The following RIN2 variants were observed in gnomAD, a reference collection of about 807,000 sequenced individuals.
RIN2 encodes the protein Ras and Rab interactor 2, also known as RAB5 interacting protein 2.
RIN2 carries 36 observed loss-of-function variants against 78.0 expected under a neutral mutation model. The observed-to-expected ratio is 0.46, with a 90% confidence interval of 0.35 to 0.61. The LOEUF is 0.61. RIN2 is among the 20% of genes least tolerant of loss of function. RIN2 has a pLI of 0.00. For missense variants in RIN2, 1,087 were observed against 1,159.7 expected, an observed-to-expected ratio of 0.94 and a Z score of 0.91; for synonymous variants, 466 against 466.8, an observed-to-expected ratio of 1.00 and a Z score of 0.02.
rs73904807 is a variant in RIN2 at position 19,815,602 on chromosome 20, T to C, written c.-37+15855T>C. Among the ~76,000 whole-genome samples the C allele has an allele frequency of 3.1e-3, 469 of 152,356 alleles. 1 individual carries two copies. The highest frequency in any genetic ancestry group is 0.011 in the African/African-American group (449 of 41,590). The stretch of plus-strand genomic sequence containing the variant: ...TTTCCCTGACATGCTCGGTGTGGTA[T>C]TTGCTGATGCGTGCATGTGTGTGGT... On this transcript the variant is annotated intron_variant, in intron 2 of 12. Transcript: ENST00000255006.
chr20:19,879,901 A>G (rs1466767776), intron 2 of RIN2, among the ~76,000 whole-genome samples: 2 of 152,230 alleles, frequency 1.3e-5, no homozygotes, highest in Non-Finnish European at 1.5e-5. Context: ...GAGAGAACAC[A>G]TGGACTCCCT....
intron 3 of RIN2, among the ~76,000 whole-genome samples, chr20:19,920,959 C>T (rs1460768633): frequency 1.3e-5 from 2 of 152,066 alleles, no homozygotes; most frequent in Non-Finnish European, 2.9e-5. Flanking sequence ...AGGCGTGAGC[C>T]GCCATGCCCA....
At chr20:19,829,290 T>C (rs1446078151) in intron 2 of RIN2, among the ~76,000 whole-genome samples, 1 of 152,028 alleles carries the variant, frequency 6.6e-6, no homozygotes, top group African/African-American at 2.4e-5. Context: ...ATGGCGTGCT[T>C]GCAAATTGGA....
intron 3 of RIN2, among the ~76,000 whole-genome samples, chr20:19,899,412 G>C (rs1269764954): frequency 1.3e-5 from 2 of 152,204 alleles, no homozygotes; most frequent in Admixed American, 1.3e-4. Flanking sequence ...GTGGCATGTA[G>C]AAAACCATTT....
Position 19,760,194 on chromosome 20 carries a change from T to C in RIN2, c.-163+1867T>C, listed in dbSNP as rs142208479. ...CAGAGAGAGCATCACAGGCTAGGGA[T>C]GGGTAGGGTCCCGGGACAGTGAAGG... On this transcript the variant is annotated intron_variant, in intron 1 of 12. Transcript: ENST00000255006. 6.4e-3 allele frequency among the ~76,000 whole-genome samples: 973 copies of C among 152,244 alleles called. 11 individuals are homozygous for C. The highest frequency in any genetic ancestry group is 0.023 in the African/African-American group (937 of 41,548).
At chr20:19,857,336 A>T (rs1209764807) in intron 2 of RIN2, among the ~76,000 whole-genome samples, 1 of 152,078 alleles carries the variant, frequency 6.6e-6, no homozygotes, top group Admixed American at 6.5e-5. Flanking sequence ...CTGGGTACTT[A>T]TCCATTGTAT....
At chr20:19,808,465 G>A (rs538808117) in intron 2 of RIN2, among the ~76,000 whole-genome samples, 16 of 152,304 alleles carry the variant, frequency 1.1e-4, no homozygotes, top group South Asian at 6.2e-4. Flanking sequence ...GCCTCAGCTC[G>A]GGTCTGCCAT....
intron 3 of RIN2, among the ~76,000 whole-genome samples, chr20:19,923,570 G>C (rs2040021970): frequency 6.6e-6 from 1 of 151,968 alleles, no homozygotes; most frequent in Non-Finnish European, 1.5e-5. Context: ...TTGAGCCCAG[G>C]AGTTTGAGAC....
chr20:19,823,829 G>A (rs1330834588), intron 2 of RIN2: 1 of 1,605,968 alleles, frequency 6.2e-7, no homozygotes, highest in African/African-American at 1.3e-5. Flanking sequence ...ACCTTTTTTG[G>A]AGACAGACCC....
At chr20:19,931,971 C>G (rs2040459554) in intron 3 of RIN2, among the ~76,000 whole-genome samples, 2 of 152,152 alleles carry the variant, frequency 1.3e-5, no homozygotes, top group Admixed American at 6.6e-5. Flanking sequence ...TATCTTTAAC[C>G]CTACAAGATG....
intron 2 of RIN2, among the ~76,000 whole-genome samples, chr20:19,810,093 C>T (rs13036883): frequency 0.21 from 31,347 of 152,052 alleles, 4,559 homozygotes; most frequent in African/African-American, 0.41. Flanking sequence ...CCACAGCCCA[C>T]AGGAGCCCAG....
At chr20:19,766,921 A>G (rs958892429) in intron 1 of RIN2, among the ~76,000 whole-genome samples, 18 of 151,906 alleles carry the variant, frequency 1.2e-4, no homozygotes, top group Non-Finnish European at 2.2e-4. Flanking sequence ...CAGAAAAAAA[A>G]AAAAAAGAAA....
intron 9 of RIN2, among the ~76,000 whole-genome samples, chr20:19,983,997 T>C (rs537789095): frequency 3.9e-5 from 6 of 152,050 alleles, no homozygotes; most frequent in African/African-American, 1.4e-4. Flanking sequence ...ATCATTTACA[T>C]TAGGTATTTC....
chr20:19,839,794 A>C (rs1302828649), intron 2 of RIN2, among the ~76,000 whole-genome samples: 1 of 152,028 alleles, frequency 6.6e-6, no homozygotes, highest in African/African-American at 2.4e-5. Flanking sequence ...TATCTAAAAC[A>C]CTTGGCTTCA....
chr20:19,972,387 T>C (rs566968172), intron 8 of RIN2, among the ~76,000 whole-genome samples: 1 of 152,184 alleles, frequency 6.6e-6, no homozygotes, highest in Non-Finnish European at 1.5e-5. Flanking sequence ...AGGACTAAAG[T>C]GTCAAGGACA....
Position 19,924,486 on chromosome 20 carries a change from A to AC in RIN2, c.58-10609dup, listed in dbSNP as rs1555792199. ...CTCACCTTCATACCCCCACCTTCAT[A>AC]CCCCACCTTCATACCCCCACCTTCA... On this transcript the variant is annotated intron_variant, in intron 3 of 12. Coordinates refer to ENST00000255006, the MANE Select transcript of RIN2 (RefSeq NM_018993.4). 4.7e-3 allele frequency among the ~76,000 whole-genome samples: 137 copies of AC among 29,442 alleles called. 2 individuals carry two copies. The highest frequency in any genetic ancestry group is 0.015 in the African/African-American group (106 of 7,292). The allele number at this position is 29,442 out of a possible 152,430, so 19.3% of individuals were successfully genotyped here. A position where few individuals can be genotyped will look rare whatever the true frequency, so the allele number is the denominator to read the frequency against.
At chr20:19,956,257 C>CAAAAAAAAAAAAAAAAAAA (rs11483774) in intron 4 of RIN2, among the ~76,000 whole-genome samples, 22 of 50,622 alleles carry the variant, frequency 4.3e-4, no homozygotes, top group Admixed American at 6.3e-4. Context: ...GACTCCATCT[C>CAAAAAAAAAAAAAAAAAAA]AAAAAAAAAA....
intron 7 of RIN2, 50 bp downstream of exon 7, chr20:19,965,074 G>C (rs777801391): frequency 6.8e-7 from 1 of 1,469,272 alleles, no homozygotes. Flanking sequence ...TGGTGTGTGG[G>C]ATATAATTAA....
At chr20:19,937,479 G>A (rs947219962) in intron 4 of RIN2, among the ~76,000 whole-genome samples, 5 of 152,180 alleles carry the variant, frequency 3.3e-5, no homozygotes, top group African/African-American at 4.8e-5. Context: ...CAGCCACCAC[G>A]AAATGTCTAT....
Sources: allele counts gnomAD v4.1 joint callset (sites outside exome capture counted in the v4.1 genomes callset), GRCh38; gene constraint gnomAD v4.1.1; transcripts MANE v1.5; gene names NCBI Gene and HGNC (gene_info 2026-07-23, HGNC 2026-07-21).